Variants in MARCO observed in about 807,000 individuals in gnomAD.
MARCO encodes the protein macrophage receptor with collagenous structure, also known as macrophage receptor MARCO.
A neutral mutation model predicts 70.0 loss-of-function variants in MARCO; 72 were observed. The ratio of observed to expected loss-of-function variants is 1.03; its 90% CI spans 0.85 to 1.25. MARCO has a LOEUF of 1.25. Among genes scored for constraint, MARCO ranks in the 50% most tolerant of loss-of-function variants. The probability of loss-of-function intolerance (pLI) is 0.00; values close to 1 mark genes in which losing one functional copy is unlikely to be tolerated. For missense variants in MARCO, 696 were observed against 659.3 expected (o/e 1.06, Z -0.61); for synonymous variants, 273 against 243.1 (o/e 1.12, Z -1.14).
intron 4 of MARCO, among the ~76,000 whole-genome samples, chr2:118,973,566 C>T (rs1427189187): frequency 6.6e-6 from 1 of 152,218 alleles, no homozygotes; most frequent in Admixed American, 6.5e-5. Flanking sequence ...GTTCTCTCCC[C>T]TTCCCCATGG....
At chr2:118,987,090 A>C (rs10210784) in intron 12 of MARCO, among the ~76,000 whole-genome samples, 23,437 of 152,252 alleles carry the variant, frequency 0.15, 4,381 homozygotes, top group African/African-American at 0.44. Flanking sequence ...AACAACTGGA[A>C]GGCATATGTT....
At chr2:118,946,950 T>C (rs1202995561) in intron 1 of MARCO, among the ~76,000 whole-genome samples, 1 of 152,254 alleles carries the variant, frequency 6.6e-6, no homozygotes, top group African/African-American at 2.4e-5. Flanking sequence ...TTAAATACCA[T>C]ATGTATAGCC....
intron 1 of MARCO, among the ~76,000 whole-genome samples, chr2:118,967,323 C>T (rs1680071479): frequency 1.3e-5 from 2 of 152,184 alleles, no homozygotes; most frequent in African/African-American, 4.8e-5. Context: ...TGCCCCAAGT[C>T]AGAAGAATGC....
At chr2:118,991,097 C>A (rs1185316872) in intron 13 of MARCO, among the ~76,000 whole-genome samples, 1 of 152,168 alleles carries the variant, frequency 6.6e-6, no homozygotes, top group Non-Finnish European at 1.5e-5. Flanking sequence ...CCTCCAGAGC[C>A]TGTGCTTCAG....
chr2:118,992,169 A>T (rs931649396), intron 14 of MARCO, among the ~76,000 whole-genome samples: 4 of 152,178 alleles, frequency 2.6e-5, no homozygotes, highest in African/African-American at 9.6e-5. Context: ...AGATGAGCCC[A>T]TCCCACTCCA....
intron 1 of MARCO, among the ~76,000 whole-genome samples, chr2:118,965,237 G>A (rs1029405519): frequency 5.3e-5 from 8 of 152,086 alleles, no homozygotes; most frequent in Admixed American, 4.6e-4. Context: ...ATGTGTGTTT[G>A]TTTGTTTTCC....
chr2:118,958,367 G>A (rs1465508524), intron 1 of MARCO, among the ~76,000 whole-genome samples: 1 of 148,468 alleles, frequency 6.7e-6, no homozygotes. Flanking sequence ...TGACCAATCA[G>A]AGAATCAAAT....
chr2:118,979,296 G>A (rs960413231), intron 8 of MARCO, among the ~76,000 whole-genome samples: 1 of 152,164 alleles, frequency 6.6e-6, no homozygotes, highest in African/African-American at 2.4e-5. Context: ...GGCAAGGGAG[G>A]AAGAATGATT....
At chr2:118,980,260 C>G (rs964420834) in intron 8 of MARCO, among the ~76,000 whole-genome samples, 3 of 152,224 alleles carry the variant, frequency 2.0e-5, no homozygotes, top group Non-Finnish European at 4.4e-5. Context: ...ACAGCCTCCT[C>G]TGCTTTTTGC....
intron 1 of MARCO, among the ~76,000 whole-genome samples, chr2:118,967,059 T>A (rs1001444443): frequency 6.6e-6 from 1 of 152,180 alleles, no homozygotes; most frequent in South Asian, 2.1e-4. Context: ...AGATACCACG[T>A]TGGTGCTGGA....
In MARCO at chr2:118,986,652, AGAAGGAAG is replaced by A. The variant is rs199975278; in HGVS notation, c.1064-3921_1064-3914del. On this transcript the variant is annotated intron_variant, in intron 12 of 16. Coordinates refer to ENST00000327097, the MANE Select transcript of MARCO (RefSeq NM_006770.4). Reference sequence around the variant, plus strand: ...AAGAAAGAAAGAAAGAAAGAAAGAAAGAAGGAAGGAAGGAAGGAAGGAAAGAAAGAAAG... The same window carrying A: ...AAGAAAGAAAGAAAGAAAGAAAGAAAGAAGGAAGGAAGGAAAGAAAGAAAG... 3.9e-4 allele frequency among the ~76,000 whole-genome samples: 19 copies of A among 48,436 alleles called. 2 individuals carry two copies. The highest frequency in any genetic ancestry group is 2.0e-3 in the African/African-American group (17 of 8,600). The allele number at this position is 48,436 out of a possible 152,430, so 31.8% of individuals were successfully genotyped here.
chr2:118,991,888 CA>C lies in MARCO; in HGVS notation c.1207+14del. The C allele has an allele frequency of 6.4e-7, 1 of 1,560,162 alleles. No homozygotes were observed. The highest frequency in any genetic ancestry group is 8.7e-7 in the Non-Finnish European group (1 of 1,144,552). Reference sequence around the variant, plus strand: ...CAGGGAGTGAAAGGTAAGGCCTCTGCATCTGATTCCTTTGTTCTTAGGACTG... The same window carrying C: ...CAGGGAGTGAAAGGTAAGGCCTCTGCTCTGATTCCTTTGTTCTTAGGACTG... On this transcript the variant is annotated intron_variant, in intron 14 of 16. Coordinates refer to ENST00000327097, the MANE Select transcript of MARCO (RefSeq NM_006770.4).
At chr2:118,980,611 T>G (rs1371566) in intron 8 of MARCO, among the ~76,000 whole-genome samples, 18,934 of 152,198 alleles carry the variant, frequency 0.12, 2,150 homozygotes, top group African/African-American at 0.3. Flanking sequence ...AAGCCTAAAA[T>G]GTTGTGTTGA....
At chr2:118,956,403 A>C (rs1679838626) in intron 1 of MARCO, among the ~76,000 whole-genome samples, 1 of 144,448 alleles carries the variant, frequency 6.9e-6, no homozygotes, top group African/African-American at 2.7e-5. Flanking sequence ...AAAAAGGGAC[A>C]TTATGTAATG....
At chr2:118,945,450 T>C (rs1359302787) in intron 1 of MARCO, among the ~76,000 whole-genome samples, 1 of 149,192 alleles carries the variant, frequency 6.7e-6, no homozygotes, top group East Asian at 2.0e-4. Context: ...TCTCGCTCTG[T>C]CACCCATGCT....
Position 118,994,553 on chromosome 2 carries a change from G to A in MARCO, c.*33G>A, listed in dbSNP as rs1553417672. On this transcript the variant is annotated 3_prime_UTR_variant, in exon 17 of 17. Coordinates refer to ENST00000327097, the MANE Select transcript of MARCO (RefSeq NM_006770.4). ...ACCCTTTCACTTCTCTGCTCCCGAG[G>A]TGTCCTCGGGCTCATATGTGGGAAG... The A allele has an allele frequency of 1.9e-6, 3 of 1,538,758 alleles. No individual in the cohort carries two copies. Among genetic ancestry groups the A allele is most frequent in the African/African-American group, 1.4e-5 (1 of 72,642 alleles).
chr2:118,953,225 C>T (rs184388804), intron 1 of MARCO, among the ~76,000 whole-genome samples: 229 of 152,300 alleles, frequency 1.5e-3, no homozygotes, highest in African/African-American at 5.3e-3. Flanking sequence ...TGAGCTGGAA[C>T]GGGCCTGTGA....
At chr2:118,983,774 T>C (rs1262718053) in intron 12 of MARCO, among the ~76,000 whole-genome samples, 1 of 152,036 alleles carries the variant, frequency 6.6e-6, no homozygotes, top group East Asian at 1.9e-4. Flanking sequence ...ATTGCTTTCA[T>C]CTCTCGGTTG....
intron 12 of MARCO, among the ~76,000 whole-genome samples, chr2:118,982,939 A>C (rs1194579606): frequency 6.6e-6 from 1 of 152,204 alleles, no homozygotes; most frequent in Non-Finnish European, 1.5e-5. Flanking sequence ...CTAGGTCGTA[A>C]ACCATTGTAC....
Sources: gnomAD v4.1 joint callset for allele counts (sites outside exome capture counted in the v4.1 genomes callset) on GRCh38, gnomAD v4.1.1 for gene constraint, MANE v1.5 for transcripts, NCBI Gene and HGNC (gene_info 2026-07-23, HGNC 2026-07-21) for gene names.